The following SHC2 variants were observed in gnomAD, a reference collection of about 807,000 sequenced individuals.
SHC2 encodes the protein SHC-transforming protein 2.
Under a neutral mutation model 60.6 loss-of-function variants are expected in SHC2, and 62 were observed. The ratio of observed to expected loss-of-function variants is 1.02; its 90% CI spans 0.83 to 1.26. SHC2 has a LOEUF of 1.26. Ranked by LOEUF, SHC2 falls within the 50% of genes most tolerant of loss-of-function variation. The pLI, the probability that SHC2 is intolerant of heterozygous loss-of-function variation, is 0.00. For missense variants in SHC2, 873 were observed against 822.2 expected, an observed-to-expected ratio of 1.06 and a Z score of -0.76; for synonymous variants, 375 against 372.4, an observed-to-expected ratio of 1.01 and a Z score of -0.08.
intron 11 of SHC2, 187 bp from the exon 12 acceptor site, chr19:419,243 G>T: frequency 1.6e-6 from 1 of 641,960 alleles, no homozygotes; most frequent in Non-Finnish European, 2.5e-6. Flanking sequence ...CCATGGGCAC[G>T]GGCTCTGAAA....
At chr19:430,858 G>T in intron 8 of SHC2, 111 bp from the exon 9 acceptor site, 1 of 962,362 alleles carries the variant, frequency 1.0e-6, no homozygotes, top group Non-Finnish European at 1.6e-6. Context: ...CTTAGGGGTG[G>T]GGAGCACAGC....
intron 1 of SHC2, among the ~76,000 whole-genome samples, chr19:444,735 C>T (rs1346258076): frequency 6.6e-6 from 1 of 152,214 alleles, no homozygotes; most frequent in Non-Finnish European, 1.5e-5. Context: ...CTGCTGCGGA[C>T]ACGCTGTGCA....
chr19:422,976 C>A lies in SHC2; in HGVS notation c.1310-520G>T. 1 of 163,904 alleles carries A rather than the reference C, an allele frequency of 6.1e-6. No homozygotes were observed. The highest frequency in any genetic ancestry group is 1.3e-5 in the Non-Finnish European group (1 of 75,586). The allele number at this position is 163,904 out of a possible 1,614,324, so 10.2% of individuals were successfully genotyped here. ...TAAGGCTCTCCTCTGAGTGTCAGTC[C>A]CCTCATTGTCAAACAGGGGTGGGCG... On this transcript the variant is annotated intron_variant, in intron 10 of 12. Transcript: ENST00000264554. The surrounding 1 kb of genome is among the most constrained non-coding windows in gnomAD (Gnocchi z 5.0).
chr19:426,566 C>G (rs1291045686), intron 9 of SHC2, among the ~76,000 whole-genome samples: 4 of 33,868 alleles, frequency 1.2e-4, no homozygotes, highest in Admixed American at 2.8e-4. Context: ...GAGGACGACA[C>G]CGAGAGGGGC....
chr19:456,875 C>G (rs1464501137), intron 1 of SHC2, among the ~76,000 whole-genome samples: 1 of 120,334 alleles, frequency 8.3e-6, no homozygotes, highest in East Asian at 2.1e-4. Flanking sequence ...GCCTTTGCAC[C>G]TGCTGTGCCC....
chr19:430,456 C>G (rs751296879), intron 9 of SHC2, among the ~76,000 whole-genome samples: 1 of 152,186 alleles, frequency 6.6e-6, no homozygotes, highest in Non-Finnish European at 1.5e-5. Context: ...AAACCTAATA[C>G]CGTGTGGATA....
intron 7 of SHC2, 30 bp downstream of exon 7, chr19:436,135 C>T (rs1238774081): frequency 6.2e-7 from 1 of 1,607,662 alleles, no homozygotes; most frequent in Non-Finnish European, 8.5e-7. Flanking sequence ...GGGGGTGTCC[C>T]CAGGGCACGG....
intron 1 of SHC2, among the ~76,000 whole-genome samples, chr19:448,446 C>A (rs1975099097): frequency 6.6e-6 from 1 of 151,308 alleles, no homozygotes; most frequent in Admixed American, 6.5e-5. Flanking sequence ...CAGCTGTCTC[C>A]TTCTGTGCAG....
chr19:422,198 C>G lies in SHC2; in HGVS notation c.1568G>C (p.Gly523Ala). 6.2e-7 allele frequency: 1 copy of G among 1,612,438 alleles called. No homozygotes were observed. Among genetic ancestry groups the G allele is most frequent in the Non-Finnish European group, 8.5e-7 (1 of 1,179,614 alleles). Residue 523 changes from glycine (G) to alanine (A), a missense_variant, in exon 11 of 13, where the codon GGC (glycine) becomes GCC (alanine). By Grantham distance (60) the Gly-to-Ala change is moderately conservative. Coordinates refer to ENST00000264554, the MANE Select transcript of SHC2 (RefSeq NM_012435.3). The surrounding 1 kb of genome is among the most constrained non-coding windows in gnomAD (Gnocchi z 5.0). ...VTNPGQYVLT[G>A]MHAGQPKHLL... ...GTGCTTGGGCTGCCCGGCGTGCATG[C>G]CGGTGAGGACATACTGCCCGGGGTT...
At position 438,946 on chromosome 19, in the gene SHC2, C is replaced by T. The variant is rs775840301; in HGVS notation, c.600+24G>A. 48 of 1,589,360 alleles carry T rather than the reference C, an allele frequency of 3.0e-5. No homozygotes were observed. The highest frequency in any genetic ancestry group is 7.0e-5 in the Admixed American group (4 of 57,066). Reference sequence around the variant, plus strand: ...GCCCCCGACTGCCCCACCAGCCCCACGAGAGACCACAAGCCTCACTCACCT... The same window carrying T: ...GCCCCCGACTGCCCCACCAGCCCCATGAGAGACCACAAGCCTCACTCACCT... On this transcript the variant is annotated intron_variant, in intron 3 of 12. Coordinates refer to ENST00000264554, the MANE Select transcript of SHC2 (RefSeq NM_012435.3). This position sits in a 1 kb window ranked among gnomAD's most constrained non-coding sequence, Gnocchi z 5.0.
intron 1 of SHC2, among the ~76,000 whole-genome samples, chr19:455,429 C>T (rs1975316875): frequency 6.6e-6 from 1 of 152,360 alleles, no homozygotes; most frequent in Non-Finnish European, 1.5e-5. Flanking sequence ...CTCAGCACCG[C>T]GCAGGACTCG....
Position 434,790 on chromosome 19 carries a change from C to A in SHC2, c.1029G>T (p.Pro343=). The A allele has an allele frequency of 4.3e-6, 7 of 1,612,870 alleles. No individual in the cohort carries two copies. Among genetic ancestry groups the A allele is most frequent in the Non-Finnish European group, 5.1e-6 (6 of 1,179,806 alleles). Residue 343 remains proline (P), a synonymous_variant, in exon 8 of 13, where the codon CCG becomes CCT. Transcript: ENST00000264554. ...SLEHNYYNSI[P]GKEPPLGGLV... The stretch of plus-strand genomic sequence containing the variant: ...GCCCGCCCAGCGGCGGCTCCTTCCC[C>A]GGGATGCTGTTGTAGTAATTGTGCT...
chr19:459,606 C>A (rs1156969052), intron 1 of SHC2, among the ~76,000 whole-genome samples: 1 of 149,772 alleles, frequency 6.7e-6, no homozygotes, highest in Non-Finnish European at 1.5e-5. Context: ...GGGAAGGACC[C>A]CACTGAACTC....
intron 1 of SHC2, among the ~76,000 whole-genome samples, chr19:455,242 G>A (rs1975309838): frequency 1.3e-5 from 2 of 152,172 alleles, no homozygotes; most frequent in South Asian, 2.1e-4. Flanking sequence ...GGTCCCTTTG[G>A]CGCCCAGCAG....
At chr19:452,139 C>T (rs1226667091) in intron 1 of SHC2, among the ~76,000 whole-genome samples, 3 of 152,340 alleles carry the variant, frequency 2.0e-5, no homozygotes, top group Admixed American at 6.5e-5. Flanking sequence ...TGCGTTTCTC[C>T]GTTTCACTGC....
chr19:421,048 A>G (rs1260836371), intron 11 of SHC2, among the ~76,000 whole-genome samples: 2 of 151,206 alleles, frequency 1.3e-5, no homozygotes, highest in African/African-American at 4.9e-5. Context: ...AGACTCCATC[A>G]AGAAAGAAAG....
At chr19:457,238 ACCTGCT>A (rs1462193975) in intron 1 of SHC2, among the ~76,000 whole-genome samples, 2 of 135,064 alleles carry the variant, frequency 1.5e-5, no homozygotes, top group Non-Finnish European at 3.2e-5. Flanking sequence ...TTGCACCTGC[ACCTGCT>A]GTGCCCCGAC....
At chr19:434,368 G>C (rs893054766) in intron 8 of SHC2, among the ~76,000 whole-genome samples, 1 of 105,962 alleles carries the variant, frequency 9.4e-6, no homozygotes, top group African/African-American at 4.2e-5. Flanking sequence ...TCATGAGATC[G>C]TGAGTGAGAT....
At chr19:419,681 G>A (rs1055507701) in intron 11 of SHC2, 4 of 152,264 alleles carry the variant, frequency 2.6e-5, no homozygotes, top group African/African-American at 9.6e-5. Flanking sequence ...AAGCCACTTC[G>A]TGTGTGGTCA....
Sources: allele counts gnomAD v4.1 joint callset (sites outside exome capture counted in the v4.1 genomes callset), GRCh38; gene constraint gnomAD v4.1.1; non-coding constraint Gnocchi (gnomAD v3.1); transcripts MANE v1.5; gene names NCBI Gene and HGNC (gene_info 2026-07-23, HGNC 2026-07-21).